C4orf51: variants seen among roughly 807,000 people sequenced by gnomAD.
The protein encoded by C4orf51 is uncharacterized protein C4orf51.
In C4orf51, 25 loss-of-function variants were observed where a neutral mutation model predicts 25.2. The ratio of observed to expected loss-of-function variants is 0.99; its 90% CI spans 0.72 to 1.39. The LOEUF is 1.39. Ranked by LOEUF, C4orf51 falls within the 40% of genes most tolerant of loss-of-function variation. The probability of loss-of-function intolerance (pLI) is 0.00; values close to 1 mark genes in which losing one functional copy is unlikely to be tolerated. For missense variants in C4orf51, 252 were observed against 239.6 expected (o/e 1.05, Z -0.34); for synonymous variants, 100 against 84.5 (o/e 1.18, Z -1.01).
At chr4:145,735,410 T>G (rs1732752792), downstream of C4orf51, among the ~76,000 whole-genome samples, 1 of 152,194 alleles carries the variant, frequency 6.6e-6, no homozygotes. Context: ...GGATGAGGTG[T>G]ACATTTTTTT....
At chr4:145,753,808 G>C (rs570261475) in intron 1 of C4orf51, among the ~76,000 whole-genome samples, 1 of 152,144 alleles carries the variant, frequency 6.6e-6, no homozygotes, top group Non-Finnish European at 1.5e-5. Context: ...ATGGTGGAAG[G>C]CAGTGCACAA....
chr4:145,684,509 T>C (rs896530352), intron 1 of C4orf51, among the ~76,000 whole-genome samples: 6 of 152,062 alleles, frequency 3.9e-5, no homozygotes, highest in Non-Finnish European at 7.4e-5. Context: ...GATGTCCCAC[T>C]ACAACATATG....
downstream of C4orf51, among the ~76,000 whole-genome samples, chr4:145,754,810 T>G (rs1400120112): frequency 2.0e-5 from 3 of 152,096 alleles, no homozygotes; most frequent in Admixed American, 1.3e-4. Flanking sequence ...GTGGCATGCA[T>G]CTGTAATCCC....
chr4:145,765,811 G>A lies in C4orf51; in HGVS notation n.167-5177G>A, dbSNP rs759932400. ...CAGAATTATAGCAACTGAGGGTGAC[G>A]AGTTGAGTCTCATGGATGCATCATC... On this transcript the variant is annotated intron_variant and non_coding_transcript_variant, in intron 1 of 1. Transcript: ENST00000510096. The surrounding 1 kb of genome is among the most constrained non-coding windows in gnomAD (Gnocchi z 4.7). The A allele has an allele frequency of 2.2e-5, 33 of 1,472,622 alleles. No homozygotes were observed. The highest frequency in any genetic ancestry group is 2.9e-5 in the Non-Finnish European group (31 of 1,080,806). The allele number at this position is 1,472,622 out of a possible 1,614,324, so 91.2% of individuals were successfully genotyped here.
downstream of C4orf51, among the ~76,000 whole-genome samples, chr4:145,732,978 C>T (rs1018311303): frequency 1.3e-5 from 2 of 152,168 alleles, no homozygotes; most frequent in Non-Finnish European, 2.9e-5. Flanking sequence ...CCTTCCACCG[C>T]CAGGTTTTCC....
intron 1 of C4orf51, chr4:145,770,977 T>C (rs1045057396): frequency 5.9e-5 from 9 of 152,234 alleles, no homozygotes; most frequent in Admixed American, 2.6e-4. Context: ...AATGTTCTCC[T>C]AACTTAACAG....
At chr4:145,747,408 G>A (rs971254952) in intron 1 of C4orf51, among the ~76,000 whole-genome samples, 7 of 149,128 alleles carry the variant, frequency 4.7e-5, no homozygotes, top group South Asian at 2.1e-4. Context: ...TTTTTATCAT[G>A]AAGTGGTGTT....
downstream of C4orf51, among the ~76,000 whole-genome samples, chr4:145,755,989 C>G (rs901049223): frequency 1.3e-5 from 2 of 152,194 alleles, no homozygotes; most frequent in Admixed American, 1.3e-4. Context: ...CAGCTGCTAC[C>G]CGCTTCCATC....
At chr4:145,693,043 TA>T (rs1219599772) in intron 1 of C4orf51, among the ~76,000 whole-genome samples, 121 of 149,750 alleles carry the variant, frequency 8.1e-4, no homozygotes, top group Non-Finnish European at 1.5e-3. Flanking sequence ...TTATTAAATT[TA>T]TTTTTTTATT....
the C4orf51 span, among the ~76,000 whole-genome samples, chr4:145,790,989 A>G: frequency 6.6e-6 from 1 of 152,174 alleles, no homozygotes. Context: ...TTAGGCAGTT[A>G]TATGTTTTTA....
intron 1 of C4orf51, chr4:145,759,909 T>A (rs1355563604): frequency 6.6e-6 from 1 of 152,204 alleles, no homozygotes; most frequent in Admixed American, 6.5e-5. Context: ...TATATATATA[T>A]AATCTGCCCT....
intron 2 of C4orf51, among the ~76,000 whole-genome samples, chr4:145,719,669 C>T (rs1731619720): frequency 6.6e-6 from 1 of 151,760 alleles, no homozygotes; most frequent in South Asian, 2.1e-4. Flanking sequence ...TGTAGGAGCC[C>T]CTAGAATTGC....
chr4:145,780,042 G>T, the C4orf51 span, among the ~76,000 whole-genome samples: 5,359 of 152,186 alleles, frequency 0.035, 304 homozygotes, highest in African/African-American at 0.12. Context: ...AATACAAAGA[G>T]TAGCTGGGCA....
chr4:145,752,779 C>G (rs1490171635), intron 1 of C4orf51, among the ~76,000 whole-genome samples: 4 of 152,218 alleles, frequency 2.6e-5, no homozygotes, highest in Non-Finnish European at 5.9e-5. Context: ...AGCGCTTTAG[C>G]TCACAATGGT....
intron 2 of C4orf51, among the ~76,000 whole-genome samples, chr4:145,701,980 C>A (rs1730478387): frequency 6.6e-6 from 1 of 152,028 alleles, no homozygotes; most frequent in Non-Finnish European, 1.5e-5. Context: ...CACCTTAACC[C>A]ACAAGTATAG....
chr4:145,736,409 T>G (rs1220454677), downstream of C4orf51, among the ~76,000 whole-genome samples: 1 of 152,022 alleles, frequency 6.6e-6, no homozygotes, highest in Non-Finnish European at 1.5e-5. Context: ...CCCTGGGGCT[T>G]TAGGGGCAGG....
At chr4:145,692,437 G>T (rs1729646411) in intron 1 of C4orf51, among the ~76,000 whole-genome samples, 1 of 152,218 alleles carries the variant, frequency 6.6e-6, no homozygotes, top group African/African-American at 2.4e-5. Flanking sequence ...CAGGAAATTG[G>T]CCCAGTGACC....
At chr4:145,690,568 C>G (rs1217513577) in intron 1 of C4orf51, among the ~76,000 whole-genome samples, 1 of 152,050 alleles carries the variant, frequency 6.6e-6, no homozygotes, top group East Asian at 1.9e-4. Flanking sequence ...TGGACATTGC[C>G]ATAGGCGAAG....
In C4orf51 at chr4:145,726,911, G is replaced by A. The variant is rs767369875; in HGVS notation, c.308G>A (p.Gly103Glu). The A allele has an allele frequency of 6.2e-7, 1 of 1,612,116 alleles. No homozygotes were observed. Among genetic ancestry groups the A allele is most frequent in the Non-Finnish European group, 8.5e-7 (1 of 1,178,476 alleles). Reference sequence around the variant, plus strand: ...ATTTTCCCTCTTCATGTGCATGCAGGACTATTCCCTGATATAACCAGGCCC... The same window carrying A: ...ATTTTCCCTCTTCATGTGCATGCAGAACTATTCCCTGATATAACCAGGCCC... ...AGTQETTDIK[G>E]LFPDITRPFK... is the part of the protein sequence containing the mutation. The change falls in exon 3 of 6, where the codon GGA becomes GAA. Residue 103 changes from glycine (G) to glutamate (E), a missense_variant and splice_region_variant. Transcript: ENST00000438731.
Sources: gnomAD v4.1 joint callset for allele counts (sites outside exome capture counted in the v4.1 genomes callset) on GRCh38, gnomAD v4.1.1 for gene constraint, Gnocchi (gnomAD v3.1) non-coding constraint, MANE v1.5 for transcripts, NCBI Gene and HGNC (gene_info 2026-07-23, HGNC 2026-07-21) for gene names.